The following NRXN3 variants were observed in gnomAD, a reference collection of about 807,000 sequenced individuals.
The protein encoded by NRXN3 is neurexin 3, also known as neurexin III.
A neutral mutation model predicts 137.6 loss-of-function variants in NRXN3; 32 were observed. That is an observed-to-expected ratio of 0.23 (90% CI 0.18 to 0.31). The LOEUF is 0.31. NRXN3 is among the 10% of genes least tolerant of loss of function. The probability of loss-of-function intolerance (pLI) is 1.00; values close to 1 mark genes in which losing one functional copy is unlikely to be tolerated. For synonymous variants in NRXN3, 798 were observed against 784.5 expected, an observed-to-expected ratio of 1.02 and a Z score of -0.29; for missense variants, 1,574 against 2,062.5, an observed-to-expected ratio of 0.76 and a Z score of 4.59.
intron 15 of NRXN3, among the ~76,000 whole-genome samples, chr14:79,370,661 T>C (rs900970201): frequency 6.6e-6 from 1 of 152,042 alleles, no homozygotes; most frequent in Non-Finnish European, 1.5e-5. Flanking sequence ...AGTGGGATGT[T>C]TGACTCCAAA....
intron 10 of NRXN3, among the ~76,000 whole-genome samples, chr14:78,949,143 A>G (rs1297097783): frequency 2.6e-5 from 4 of 152,284 alleles, no homozygotes; most frequent in South Asian, 2.1e-4. Context: ...TAAAAGGAAA[A>G]GTAGTGACTT....
intron 16 of NRXN3, among the ~76,000 whole-genome samples, chr14:79,556,438 A>G (rs2097430386): frequency 6.6e-6 from 1 of 152,208 alleles, no homozygotes; most frequent in African/African-American, 2.4e-5. Flanking sequence ...GCAAATGGAT[A>G]TAAACAAAAA....
intron 4 of NRXN3, among the ~76,000 whole-genome samples, chr14:78,616,564 C>G (rs949611987): frequency 6.6e-6 from 1 of 152,172 alleles, no homozygotes; most frequent in African/African-American, 2.4e-5. Context: ...GGGCCGTCTC[C>G]CTCACTACAA....
intron 15 of NRXN3, among the ~76,000 whole-genome samples, chr14:79,431,040 G>A (rs1362666629): frequency 1.3e-5 from 2 of 151,966 alleles, no homozygotes; most frequent in Non-Finnish European, 2.9e-5. Context: ...ACTATACATC[G>A]GGGCCTCTGG....
At chr14:79,268,015 A>G (rs1199242215) in intron 15 of NRXN3, among the ~76,000 whole-genome samples, 1 of 152,158 alleles carries the variant, frequency 6.6e-6, no homozygotes, top group East Asian at 1.9e-4. Flanking sequence ...TAGCCTTGCT[A>G]CCTTTTTCCA....
chr14:78,651,407 G>T (rs1252872676), intron 6 of NRXN3, 81 bp downstream of exon 6: 5 of 1,436,766 alleles, frequency 3.5e-6, no homozygotes, highest in Non-Finnish European at 4.8e-6. Flanking sequence ...TCAATGACTG[G>T]ATCTGTCCTC....
chr14:78,523,812 G>T, intron 4 of NRXN3, among the ~76,000 whole-genome samples: 1 of 57,496 alleles, frequency 1.7e-5, no homozygotes, highest in East Asian at 4.6e-4. Flanking sequence ...GCAAGACTCT[G>T]TCTCAAAAAA....
intron 4 of NRXN3, among the ~76,000 whole-genome samples, chr14:78,433,607 G>A (rs1308318087): frequency 6.6e-6 from 1 of 152,150 alleles, no homozygotes; most frequent in East Asian, 1.9e-4. Context: ...TATCATTGAA[G>A]TAGGTTCCTG....
chr14:79,088,877 C>T (rs922090929), intron 15 of NRXN3, among the ~76,000 whole-genome samples: 2 of 152,046 alleles, frequency 1.3e-5, no homozygotes, highest in Non-Finnish European at 2.9e-5. Context: ...TTTTTCTAAC[C>T]TATATAATTC....
intron 4 of NRXN3, among the ~76,000 whole-genome samples, chr14:78,579,170 T>C (rs2096966583): frequency 1.3e-5 from 2 of 152,192 alleles, no homozygotes; most frequent in African/African-American, 4.8e-5. Flanking sequence ...CCAGACACAT[T>C]CTCTCACGGC....
chr14:78,604,492 G>C (rs1235872581), intron 4 of NRXN3, among the ~76,000 whole-genome samples: 2 of 152,142 alleles, frequency 1.3e-5, no homozygotes, highest in East Asian at 3.9e-4. Context: ...TCTGTGGTGA[G>C]AAATAGGAAA....
chr14:79,607,131 C>G (rs775309846), intron 16 of NRXN3, among the ~76,000 whole-genome samples: 23 of 152,204 alleles, frequency 1.5e-4, no homozygotes, highest in Non-Finnish European at 2.2e-4. Context: ...TATTTCTGGA[C>G]TTTGCAGTCA....
At chr14:78,726,965 A>AAAAC (rs1555459143) in intron 8 of NRXN3, among the ~76,000 whole-genome samples, 2 of 151,604 alleles carry the variant, frequency 1.3e-5, no homozygotes, top group Non-Finnish European at 2.9e-5. Context: ...TCACTAAAAA[A>AAAAC]AAAAAAAAAA....
At chr14:79,818,275 G>A (rs1603607990) in intron 20 of NRXN3, among the ~76,000 whole-genome samples, 1 of 151,988 alleles carries the variant, frequency 6.6e-6, no homozygotes, top group Non-Finnish European at 1.5e-5. Context: ...GGATGGTCAT[G>A]ATCTCCTGAC....
chr14:79,585,867 T>C (rs2097762023), intron 16 of NRXN3, among the ~76,000 whole-genome samples: 1 of 152,250 alleles, frequency 6.6e-6, no homozygotes, highest in East Asian at 1.9e-4. Flanking sequence ...CGATGAGGTA[T>C]GGATGAACAG....
At chr14:78,179,674 C>A (rs947653764) in intron 1 of NRXN3, among the ~76,000 whole-genome samples, 2 of 152,088 alleles carry the variant, frequency 1.3e-5, no homozygotes, top group Non-Finnish European at 2.9e-5. Flanking sequence ...GGTGCCAGGG[C>A]AGGTGGAGAG....
At chr14:79,354,101 G>A (rs1350989268) in intron 15 of NRXN3, among the ~76,000 whole-genome samples, 1 of 152,042 alleles carries the variant, frequency 6.6e-6, no homozygotes, top group Non-Finnish European at 1.5e-5. Flanking sequence ...TGTTCTTTTA[G>A]TGGCTTCATA....
chr14:79,702,889 G>GTCTTTTACCACTAAAGTGTATTCTTT (rs138402143), intron 19 of NRXN3, among the ~76,000 whole-genome samples: 1 of 150,586 alleles, frequency 6.6e-6, no homozygotes, highest in Non-Finnish European at 1.5e-5. Context: ...TGAGAAACAA[G>GTCTTTTACCACTAAAGTGTATTCTTT]TCTTTTACCT....
chr14:78,310,962 CAT>C (rs567025978), intron 4 of NRXN3, among the ~76,000 whole-genome samples: 1 of 152,154 alleles, frequency 6.6e-6, no homozygotes, highest in South Asian at 2.1e-4. Context: ...TAACAACAAA[CAT>C]CAGTTATCAT....
Sources: gnomAD v4.1 joint callset for allele counts (sites outside exome capture counted in the v4.1 genomes callset) on GRCh38, gnomAD v4.1.1 for gene constraint, MANE v1.5 for transcripts, NCBI Gene and HGNC (gene_info 2026-07-23, HGNC 2026-07-21) for gene names.